The following ARNT variants were observed in gnomAD, a reference collection of about 807,000 sequenced individuals.
ARNT encodes class E basic helix-loop-helix protein 2.
A neutral mutation model predicts 105.0 loss-of-function variants in ARNT; 30 were observed. That is an observed-to-expected ratio of 0.29 (90% CI 0.21 to 0.39). The LOEUF (loss-of-function observed/expected upper bound fraction) is 0.39, where lower values mean the gene tolerates loss of function less well. Among genes scored for constraint, ARNT ranks in the 10% least tolerant of loss-of-function variants. ARNT has a pLI of 1.00. For missense variants in ARNT, 748 were observed against 978.7 expected, an observed-to-expected ratio of 0.76 and a Z score of 3.15; for synonymous variants, 304 against 344.0, an observed-to-expected ratio of 0.88 and a Z score of 1.29.
intron 6 of ARNT, among the ~76,000 whole-genome samples, chr1:150,837,393 C>G (rs925881686): frequency 1.3e-5 from 2 of 152,186 alleles, no homozygotes; most frequent in African/African-American, 2.4e-5. Context: ...CTGCCAGGAA[C>G]AGCATACATA....
chr1:150,848,264 T>C (rs1022129168), intron 3 of ARNT, among the ~76,000 whole-genome samples: 2 of 152,156 alleles, frequency 1.3e-5, no homozygotes, highest in African/African-American at 4.8e-5. Flanking sequence ...GAGACCAGCC[T>C]GGCCAACATG....
chr1:150,843,269 G>C (rs921037463), intron 4 of ARNT, among the ~76,000 whole-genome samples: 3 of 152,162 alleles, frequency 2.0e-5, no homozygotes, highest in African/African-American at 7.2e-5. Context: ...CTAGAAAACT[G>C]AGATACTGTA....
chr1:150,811,895 G>T lies in ARNT; in HGVS notation c.*126C>A. On this transcript the variant is annotated 3_prime_UTR_variant, in exon 22 of 22. Coordinates refer to ENST00000358595, the MANE Select transcript of ARNT (RefSeq NM_001668.4). ...GCAGGGGAACAGCCAGAAGGGAAAGGGGGTACATGTCAGGGGTGAGGGAAG... is the reference window on the plus strand; with the variant it reads ...GCAGGGGAACAGCCAGAAGGGAAAGTGGGTACATGTCAGGGGTGAGGGAAG... 1.8e-6 allele frequency: 1 copy of T among 553,912 alleles called. No individual in the cohort carries two copies. 34.3% of individuals were successfully genotyped at this position (553,912 alleles called of 1,614,324 possible). A position where few individuals can be genotyped will look rare whatever the true frequency, so the allele number is the denominator to read the frequency against.
At chr1:150,871,959 T>C (rs1174180623) in intron 1 of ARNT, among the ~76,000 whole-genome samples, 1 of 134,182 alleles carries the variant, frequency 7.5e-6, no homozygotes, top group Non-Finnish European at 1.6e-5. Context: ...TAAAATACTA[T>C]CTCTTTTTTT....
chr1:150,849,502 C>G (rs979193226), intron 3 of ARNT, among the ~76,000 whole-genome samples: 1 of 152,036 alleles, frequency 6.6e-6, no homozygotes, highest in African/African-American at 2.4e-5. Flanking sequence ...GGTCCATTTT[C>G]AGGCCGGGTA....
intron 1 of ARNT, among the ~76,000 whole-genome samples, chr1:150,859,270 G>GC (rs1289043735): frequency 1.3e-4 from 19 of 149,362 alleles, no homozygotes; most frequent in East Asian, 2.0e-4. Context: ...TCCCTTTCCT[G>GC]CCCCCCGTAC....
intron 4 of ARNT, among the ~76,000 whole-genome samples, chr1:150,845,935 G>A (rs1199318934): frequency 6.6e-6 from 1 of 152,068 alleles, no homozygotes; most frequent in Non-Finnish European, 1.5e-5. Flanking sequence ...ACCATTATCT[G>A]TATTCCTATT....
intron 1 of ARNT, among the ~76,000 whole-genome samples, chr1:150,866,274 AGGTC>A (rs587671326): frequency 2.3e-5 from 1 of 43,090 alleles, no homozygotes; most frequent in South Asian, 9.1e-4. Flanking sequence ...TGAGCCACCA[AGGTC>A]AGTCAGCCTG....
At chr1:150,821,930 C>A (rs1657187301) in intron 14 of ARNT, among the ~76,000 whole-genome samples, 1 of 150,414 alleles carries the variant, frequency 6.6e-6, no homozygotes, top group African/African-American at 2.5e-5. Context: ...ACTTGGTATC[C>A]CAACTTGGTA....
At chr1:150,839,699 G>A (rs1005571921) in intron 5 of ARNT, 45 bp from the exon 6 acceptor site, 6 of 1,569,714 alleles carry the variant, frequency 3.8e-6, no homozygotes, top group Non-Finnish European at 5.2e-6. Flanking sequence ...GTCACATCTG[G>A]TCATTTGGTA....
intron 2 of ARNT, among the ~76,000 whole-genome samples, chr1:150,856,266 C>T (rs918768508): frequency 3.3e-5 from 5 of 151,852 alleles, no homozygotes; most frequent in Admixed American, 1.3e-4. Context: ...GGTGAAACCC[C>T]GTCTCTACTG....
intron 4 of ARNT, among the ~76,000 whole-genome samples, chr1:150,842,937 A>G (rs1661541599): frequency 6.6e-6 from 1 of 152,170 alleles, no homozygotes; most frequent in Non-Finnish European, 1.5e-5. Context: ...ATAATGAAGA[A>G]ATTAAAGACA....
intron 4 of ARNT, among the ~76,000 whole-genome samples, chr1:150,843,399 A>G (rs1661614410): frequency 6.6e-6 from 1 of 152,214 alleles, no homozygotes; most frequent in African/African-American, 2.4e-5. Flanking sequence ...ATGTCTAAGT[A>G]TGACAGGTTA....
At chr1:150,863,092 G>A (rs950414201) in intron 1 of ARNT, among the ~76,000 whole-genome samples, 7 of 149,880 alleles carry the variant, frequency 4.7e-5, no homozygotes, top group Middle Eastern at 7.2e-3. Context: ...GGCCAGGCAC[G>A]GTGGCTGATG....
chr1:150,817,813 C>CAAAAAA, intron 15 of ARNT, 107 bp downstream of exon 15: 1 of 685,146 alleles, frequency 1.5e-6, no homozygotes, highest in Non-Finnish European at 2.2e-6. Flanking sequence ...AACTCCTTCT[C>CAAAAAA]AAAAAAAAAA....
At chr1:150,862,712 T>TAAAAAAA in intron 1 of ARNT, among the ~76,000 whole-genome samples, 1 of 66,600 alleles carries the variant, frequency 1.5e-5, no homozygotes, top group Non-Finnish European at 2.7e-5. Flanking sequence ...CCTGCCTCTG[T>TAAAAAAA]AAAAAAAAAA....
chr1:150,853,284 A>G, intron 2 of ARNT: 1 of 385,068 alleles, frequency 2.6e-6, no homozygotes, highest in South Asian at 1.9e-5. Flanking sequence ...TCCATCTCAA[A>G]AAAAAAAAGT....
At position 150,823,214 on chromosome 1, in the gene ARNT, G is replaced by T; in HGVS notation, c.1374C>A (p.Ile458=). 1 of 1,612,320 alleles carries T rather than the reference G, an allele frequency of 6.2e-7. No homozygotes were observed. Among genetic ancestry groups the T allele is most frequent in the Non-Finnish European group, 8.5e-7 (1 of 1,178,842 alleles). ...CATACTTCACATTGGTGTTGGTACA[G>T]ATGATGTACTCAATTTCATCTGAGT... ...NPYSDEIEYI[I]CTNTNVKNSS... Residue 458 remains isoleucine, a synonymous_variant, in exon 14 of 22, where the codon ATC becomes ATA. Transcript: ENST00000358595.
At chr1:150,859,037 T>C (rs1048058335) in intron 1 of ARNT, among the ~76,000 whole-genome samples, 2 of 151,854 alleles carry the variant, frequency 1.3e-5, no homozygotes, top group Non-Finnish European at 2.9e-5. Context: ...AGCTTATACA[T>C]ACATAACAAT....
Sources: allele counts gnomAD v4.1 joint callset (sites outside exome capture counted in the v4.1 genomes callset), GRCh38; gene constraint gnomAD v4.1.1; transcripts MANE v1.5; gene names NCBI Gene and HGNC (gene_info 2026-07-23, HGNC 2026-07-21).